Variants in ARL13A observed in about 807,000 individuals in gnomAD.
The protein encoded by ARL13A is ARF like GTPase 13A, also known as ADP-ribosylation factor-like protein 13A.
A neutral mutation model predicts 19.1 loss-of-function variants in ARL13A; 16 were observed. That is an observed-to-expected ratio of 0.84 (90% confidence interval 0.57 to 1.27). The LOEUF (loss-of-function observed/expected upper bound fraction) is 1.27, where lower values mean the gene tolerates loss of function less well. Ranked by LOEUF, ARL13A falls within the 50% of genes most tolerant of loss-of-function variation. ARL13A has a pLI of 0.00. For missense variants in ARL13A, 153 were observed against 186.4 expected (o/e 0.82, Z 1.04); for synonymous variants, 69 against 71.3 (o/e 0.97, Z 0.17).
intron 1 of ARL13A, among the ~76,000 whole-genome samples, chrX:100,970,207 T>C (rs2085638210): frequency 8.9e-6 from 1 of 112,557 alleles, no homozygotes; most frequent in African/African-American, 3.2e-5. Context: ...AAAACTGGAG[T>C]AAGGCTGGTT....
intron 3 of ARL13A, among the ~76,000 whole-genome samples, chrX:100,978,624 G>GT (rs779059213): frequency 1.7e-3 from 172 of 102,681 alleles, no homozygotes; most frequent in Admixed American, 3.9e-3. Flanking sequence ...CAGATCATGT[G>GT]TTTTTTTTTT....
At chrX:100,986,770 C>G in intron 4 of ARL13A, 26 bp from the exon 5 acceptor site, 46 of 1,063,010 alleles carry the variant, frequency 4.3e-5, no homozygotes, top group African/African-American at 1.1e-4. Context: ...CCACTCTTTT[C>G]CTCCCTCTCT....
chrX:100,982,386 G>A (rs955362956), intron 3 of ARL13A, among the ~76,000 whole-genome samples: 3 of 110,819 alleles, frequency 2.7e-5, no homozygotes, highest in African/African-American at 6.6e-5. Flanking sequence ...CAGCTACGCA[G>A]CAGGCTGAGG....
intron 5 of ARL13A, 43 bp from the exon 6 acceptor site, chrX:100,987,347 C>T (rs774726869): frequency 9.3e-6 from 11 of 1,188,191 alleles, no homozygotes; most frequent in East Asian, 3.0e-5. Flanking sequence ...CCCCAGGGGT[C>T]CCAGGCTCCA....
Position 100,990,586 on chromosome X carries a change from T to G in ARL13A, c.769T>G (p.Ter257GlyextTer6). 8.6e-7 allele frequency: 1 copy of G among 1,159,789 alleles called. No homozygotes were observed. Among genetic ancestry groups the G allele is most frequent in the Non-Finnish European group, 1.2e-6 (1 of 867,893 alleles). ...LQPSNQSYTH* is the reference protein window; with the variant it reads ...LQPSNQSYTHG ...GCCATCAAATCAATCCTATACTCAC[T>G]GAGAGGCTCAAGAAGAGTGAGATGG... The change falls in exon 8 of 8, where the codon TGA (stop) becomes GGA (glycine). Residue 257 changes from the stop codon to glycine, a stop_lost. Coordinates refer to ENST00000450049, the MANE Select transcript of ARL13A (RefSeq NM_001162491.2).
chrX:100,978,370 T>G (rs1441601586), intron 3 of ARL13A, among the ~76,000 whole-genome samples: 1 of 111,696 alleles, frequency 9.0e-6, no homozygotes, highest in African/African-American at 3.2e-5. Context: ...AATATTTGCT[T>G]TGTATATCTG....
At chrX:100,986,770 C>T in intron 4 of ARL13A, 26 bp from the exon 5 acceptor site, 1 of 1,063,162 alleles carries the variant, frequency 9.4e-7, no homozygotes, top group South Asian at 2.2e-5. Context: ...CCACTCTTTT[C>T]CTCCCTCTCT....
At position 100,987,473 on chromosome X, in the gene ARL13A, T is replaced by C. The variant is rs2085952860; in HGVS notation, c.570T>C (p.Ile190=). The C allele has an allele frequency of 8.3e-7, 1 of 1,209,465 alleles. No individual in the cohort carries two copies. Among genetic ancestry groups the C allele is most frequent in the African/African-American group, 1.7e-5 (1 of 57,187 alleles). The change falls in exon 6 of 8, where the codon ATT becomes ATC. Residue 190 remains isoleucine (I), a synonymous_variant. Coordinates refer to ENST00000450049, the MANE Select transcript of ARL13A (RefSeq NM_001162491.2). The part of the protein sequence containing the change: ...VEGLRWLLAV[I]DTCQLPPTSS... Reference sequence around the variant, plus strand: ...GACTGCGCTGGCTATTAGCTGTCATTGATACTTGCCAACTACCACCTACCT... The same window carrying C: ...GACTGCGCTGGCTATTAGCTGTCATCGATACTTGCCAACTACCACCTACCT...
intron 3 of ARL13A, among the ~76,000 whole-genome samples, chrX:100,974,879 C>A (rs921656903): frequency 5.4e-5 from 6 of 111,463 alleles, no homozygotes; most frequent in African/African-American, 2.0e-4. Context: ...AGTATGATGA[C>A]GTGGTTGAGT....
At chrX:100,989,438 G>A (rs773893154) in intron 7 of ARL13A, among the ~76,000 whole-genome samples, 2 of 109,298 alleles carry the variant, frequency 1.8e-5, no homozygotes, top group South Asian at 4.0e-4. Flanking sequence ...GGTGAAACCC[G>A]GTCTCTACTA....
intron 3 of ARL13A, among the ~76,000 whole-genome samples, chrX:100,974,854 T>C (rs1421631466): frequency 8.9e-6 from 1 of 111,773 alleles, no homozygotes; most frequent in Non-Finnish European, 1.9e-5. Context: ...TCCATGTTTA[T>C]TGGATAAATG....
chrX:100,984,175 G>A (rs1020374168), intron 3 of ARL13A, among the ~76,000 whole-genome samples: 5 of 107,680 alleles, frequency 4.6e-5, no homozygotes, highest in East Asian at 2.9e-4. Flanking sequence ...GTGCAGTGGC[G>A]TAATCTCAGC....
At chrX:100,984,365 C>T (rs1309365879) in intron 3 of ARL13A, among the ~76,000 whole-genome samples, 2 of 110,355 alleles carry the variant, frequency 1.8e-5, no homozygotes, top group African/African-American at 3.3e-5. Flanking sequence ...TCTTGAACTC[C>T]TAACTTCAGG....
intron 7 of ARL13A, chrX:100,990,318 T>C (rs2086001120): frequency 1.1e-6 from 1 of 894,602 alleles, no homozygotes; most frequent in South Asian, 5.6e-5. Context: ...GACCTTTTTC[T>C]CTTTTTACTT....
chrX:100,985,605 T>G (rs1311855693), intron 3 of ARL13A, 62 bp from the exon 4 acceptor site: 1 of 1,153,772 alleles, frequency 8.7e-7, no homozygotes, highest in Non-Finnish European at 1.2e-6. Context: ...ACTCTACTCC[T>G]GTTAGATGAG....
At chrX:100,971,206 G>A (rs966785150) in intron 1 of ARL13A, among the ~76,000 whole-genome samples, 1 of 101,002 alleles carries the variant, frequency 9.9e-6, no homozygotes, top group African/African-American at 3.7e-5. Context: ...GGGATACCTG[G>A]ATTAATGTTT....
chrX:100,985,673 C>G lies in ARL13A; in HGVS notation c.137C>G (p.Pro46Arg). The G allele has an allele frequency of 8.3e-7, 1 of 1,207,639 alleles. No homozygotes were observed. Among genetic ancestry groups the G allele is most frequent in the Non-Finnish European group, 1.1e-6 (1 of 893,560 alleles). The change falls in exon 4 of 8, where the codon CCC (proline) becomes CGC (arginine). Residue 46 changes from proline (P) to arginine (R), a missense_variant. Coordinates refer to ENST00000450049, the MANE Select transcript of ARL13A (RefSeq NM_001162491.2). ...TCTTTTCCCCTATGCACAGTACTTC[C>G]CAGTAAGACAGACCATTGCATGAAA... Reference protein sequence around the residue: ...VLVEAFQKLLPSKTDHCMKSE... With the variant: ...VLVEAFQKLLRSKTDHCMKSE...
At chrX:100,977,055 A>G (rs2085773710) in intron 3 of ARL13A, among the ~76,000 whole-genome samples, 2 of 112,350 alleles carry the variant, frequency 1.8e-5, no homozygotes, top group Non-Finnish European at 1.9e-5. Flanking sequence ...TTTTATGGGT[A>G]CATTGTAGGT....
At chrX:100,986,981 T>C (rs948420060) in intron 5 of ARL13A, 80 bp downstream of exon 5, 1 of 641,694 alleles carries the variant, frequency 1.6e-6, no homozygotes, top group East Asian at 3.7e-5. Context: ...GTCAGTCCCA[T>C]ATGTTGGGTT....
Sources: allele counts gnomAD v4.1 joint callset (sites outside exome capture counted in the v4.1 genomes callset), GRCh38; gene constraint gnomAD v4.1.1; transcripts MANE v1.5; gene names NCBI Gene and HGNC (gene_info 2026-07-23, HGNC 2026-07-21).